ATP2C1: variants seen among roughly 807,000 people sequenced by gnomAD.
ATP2C1 encodes calcium-transporting ATPase type 2C member 1.
Under a neutral mutation model 120.5 loss-of-function variants are expected in ATP2C1, and 31 were observed. The observed-to-expected ratio is 0.26, with a 90% CI of 0.19 to 0.35. The LOEUF (loss-of-function observed/expected upper bound fraction) is 0.35, where lower values mean the gene tolerates loss of function less well. ATP2C1 is among the 10% of genes least tolerant of loss of function. The pLI is 1.00. For synonymous variants in ATP2C1, 351 were observed against 358.7 expected, an observed-to-expected ratio of 0.98 and a Z score of 0.24; for missense variants, 731 against 1,107.5, an observed-to-expected ratio of 0.66 and a Z score of 4.83.
chr3:130,978,552 A>T (rs2061624250), intron 18 of ATP2C1, among the ~76,000 whole-genome samples: 1 of 152,184 alleles, frequency 6.6e-6, no homozygotes, highest in Non-Finnish European at 1.5e-5. Context: ...CCCAAGGATG[A>T]TGACAGGGAA....
chr3:130,862,880 A>G (rs1385222817), intron 1 of ATP2C1, among the ~76,000 whole-genome samples: 1 of 152,250 alleles, frequency 6.6e-6, no homozygotes, highest in African/African-American at 2.4e-5. Flanking sequence ...TGATAGGAGT[A>G]GAATTGTGAA....
Position 130,996,224 on chromosome 3 carries a change from A to G in ATP2C1, c.2126+113A>G, listed in dbSNP as rs114161975. 6,524 of 830,222 alleles carry G rather than the reference A, an allele frequency of 7.9e-3. 286 individuals are homozygous for G. In the African/African-American group the frequency reaches 0.095, roughly 12 times the overall value. The allele number at this position is 830,222 out of a possible 1,614,324, so 51.4% of individuals were successfully genotyped here. A position where few individuals can be genotyped will look rare whatever the true frequency, so the allele number is the denominator to read the frequency against. On this transcript the variant is annotated intron_variant, in intron 23 of 27. Coordinates refer to ENST00000510168, the MANE Select transcript of ATP2C1 (RefSeq NM_001378687.1). ...TGCCTTATATTTGTGAGCATTGTTC[A>G]TATGTCAGTTTTCCAAAAAGAAAAT...
At chr3:131,006,741 C>T (rs1447932724), downstream of ATP2C1, among the ~76,000 whole-genome samples, 1 of 150,546 alleles carries the variant, frequency 6.6e-6, no homozygotes, top group Non-Finnish European at 1.5e-5. Flanking sequence ...TGGCTCACTG[C>T]AGCCTGGACA....
At chr3:130,936,757 C>T (rs183160316) in intron 5 of ATP2C1, among the ~76,000 whole-genome samples, 3 of 138,594 alleles carry the variant, frequency 2.2e-5, no homozygotes, top group African/African-American at 7.8e-5. Context: ...GCGGAGCTTG[C>T]AGTGAGCTGA....
chr3:130,935,561 G>C (rs1386658866), intron 5 of ATP2C1, among the ~76,000 whole-genome samples: 2 of 152,198 alleles, frequency 1.3e-5, no homozygotes, highest in Non-Finnish European at 2.9e-5. Context: ...ATTGCTTGCA[G>C]TATCCCAGGT....
chr3:131,007,082 A>T (rs2063145201), downstream of ATP2C1, among the ~76,000 whole-genome samples: 1 of 152,242 alleles, frequency 6.6e-6, no homozygotes. Flanking sequence ...TGATAAATCT[A>T]AACAGAAATT....
At chr3:130,879,128 T>C (rs1422642794) in intron 1 of ATP2C1, among the ~76,000 whole-genome samples, 1 of 152,186 alleles carries the variant, frequency 6.6e-6, no homozygotes, top group Non-Finnish European at 1.5e-5. Flanking sequence ...CAATCTTGGC[T>C]TACTGCTACC....
intron 26 of ATP2C1, chr3:131,015,993 T>A: frequency 1.1e-6 from 1 of 951,338 alleles, no homozygotes; most frequent in Non-Finnish European, 1.6e-6. Context: ...TCTTCAGCTG[T>A]AACAGTGACT....
At chr3:130,968,137 A>G (rs1246092465) in intron 16 of ATP2C1, among the ~76,000 whole-genome samples, 1 of 152,242 alleles carries the variant, frequency 6.6e-6, no homozygotes, top group Non-Finnish European at 1.5e-5. Flanking sequence ...AACATATTTA[A>G]TGAAATAAAA....
intron 1 of ATP2C1, among the ~76,000 whole-genome samples, chr3:130,858,307 T>G (rs1378748132): frequency 1.3e-5 from 2 of 152,214 alleles, no homozygotes; most frequent in Non-Finnish European, 2.9e-5. Flanking sequence ...ACACCCCCTG[T>G]TCTCTGAACC....
chr3:131,001,884 T>C lies in ATP2C1; in HGVS notation c.*534T>C, dbSNP rs2062901982. The stretch of plus-strand genomic sequence containing the variant: ...CAGATACCATGTGCTATCATTTTTG[T>C]ATCAAGTTTTTTGCACAGGATGTGA... On this transcript the variant is annotated 3_prime_UTR_variant, in exon 28 of 28. Coordinates refer to ENST00000510168, the MANE Select transcript of ATP2C1 (RefSeq NM_001378687.1). The C allele has an allele frequency of 1.0e-5, 10 of 985,732 alleles. No homozygotes were observed. In the South Asian group the frequency reaches 4.7e-4, roughly 46 times the overall value. 61.1% of individuals were successfully genotyped at this position (985,732 alleles called of 1,614,324 possible).
intron 21 of ATP2C1, 105 bp from the exon 22 acceptor site, chr3:130,993,827 T>A (rs2062469771): frequency 8.7e-7 from 1 of 1,145,108 alleles, no homozygotes; most frequent in African/African-American, 1.5e-5. Context: ...TTATTTCTAA[T>A]CTTAATTATG....
intron 1 of ATP2C1, among the ~76,000 whole-genome samples, chr3:130,854,490 G>A (rs572225360): frequency 1.5e-4 from 23 of 152,286 alleles, no homozygotes; most frequent in African/African-American, 4.8e-4. Flanking sequence ...TAGTTTATAA[G>A]GAATGAGTGA....
At chr3:131,014,478 A>C (rs2063494166) in intron 26 of ATP2C1, 4 of 1,218,798 alleles carry the variant, frequency 3.3e-6, no homozygotes, top group South Asian at 1.6e-5. Flanking sequence ...AAATGCATCT[A>C]AACAATGAGA....
downstream of ATP2C1, among the ~76,000 whole-genome samples, chr3:131,004,089 G>A (rs1324992898): frequency 6.6e-6 from 1 of 152,034 alleles, no homozygotes; most frequent in African/African-American, 2.4e-5. Context: ...AGATAGCAGG[G>A]GATATAACTG....
At chr3:130,919,323 C>T (rs2058842765) in intron 2 of ATP2C1, among the ~76,000 whole-genome samples, 1 of 151,734 alleles carries the variant, frequency 6.6e-6, no homozygotes, top group African/African-American at 2.4e-5. Flanking sequence ...CTCCCAGGTT[C>T]AAGCGATTCT....
intron 2 of ATP2C1, among the ~76,000 whole-genome samples, chr3:130,929,202 C>G (rs1037643624): frequency 9.2e-5 from 14 of 152,106 alleles, no homozygotes; most frequent in African/African-American, 3.1e-4. Flanking sequence ...AATACTACTG[C>G]TCTTTGTTTT....
Position 130,855,017 on chromosome 3 carries a change from G to C in ATP2C1, c.108+4089G>C, listed in dbSNP as rs1279804602. Among the ~76,000 whole-genome samples, 23 of 152,116 alleles carry C rather than the reference G, an allele frequency of 1.5e-4. 1 individual carries two copies. The highest frequency in any genetic ancestry group is 1.5e-3 in the Admixed American group (23 of 15,270). ...ACAAAAGCTCAAACCAGAAACCTGG[G>C]AGTCACCTTGGCACCTCTCTTTTTC... On this transcript the variant is annotated intron_variant, in intron 1 of 26. Coordinates refer to the ATP2C1 transcript ENST00000504381.
chr3:130,975,333 A>G lies in ATP2C1; in HGVS notation c.1415A>G (p.Asp472Gly). Residue 472 changes from aspartate (D) to glycine (G), a missense_variant and splice_region_variant, in exon 18 of 28, where the codon GAC (aspartate) becomes GGC (glycine). This residue lies in a region of ATP2C1 where 571 missense variants were observed against 845.9 expected (regional missense o/e 0.67). Transcript: ENST00000510168. ...GTGTTTGGTACATTTTCTTCTTAGG[A>G]CAGACCAGAGATTTGTTTTATGAAA... ...AVKCVHRTQQ[D>G]RPEICFMKGA... is the part of the protein sequence containing the mutation. The G allele has an allele frequency of 6.2e-7, 1 of 1,613,724 alleles. No individual in the cohort carries two copies. Among genetic ancestry groups the G allele is most frequent in the Non-Finnish European group, 8.5e-7 (1 of 1,179,716 alleles).
Sources: gnomAD v4.1 joint callset for allele counts (sites outside exome capture counted in the v4.1 genomes callset) on GRCh38, gnomAD v4.1.1 for gene constraint, gnomAD v4.1.1 regional missense constraint, MANE v1.5 for transcripts, NCBI Gene and HGNC (gene_info 2026-07-23, HGNC 2026-07-21) for gene names.